The following GPR39 variants were observed in gnomAD, a reference collection of about 807,000 sequenced individuals.
The protein encoded by GPR39 is zinc sensing receptor.
GPR39 carries 23 observed loss-of-function variants against 18.4 expected under a neutral mutation model. The observed-to-expected ratio is 1.25, with a 90% confidence interval of 0.90 to 1.77. The LOEUF is 1.77. Among genes scored for constraint, GPR39 ranks in the 40% most tolerant of loss-of-function variants. The pLI, the probability that GPR39 is intolerant of heterozygous loss-of-function variation, is 0.00. For missense variants in GPR39, 647 were observed against 602.4 expected (o/e 1.07, Z -0.78); for synonymous variants, 280 against 257.9 (o/e 1.09, Z -0.82).
chr2:132,504,169 G>C (rs776100371), intron 1 of GPR39, among the ~76,000 whole-genome samples: 1 of 151,960 alleles, frequency 6.6e-6, no homozygotes, highest in Admixed American at 6.6e-5. Flanking sequence ...TTCACATTGT[G>C]AGTCTCCACA....
intron 1 of GPR39, among the ~76,000 whole-genome samples, chr2:132,541,810 G>T (rs1679866582): frequency 6.6e-6 from 1 of 152,206 alleles, no homozygotes; most frequent in Non-Finnish European, 1.5e-5. Context: ...ATAGGGCAGT[G>T]TCTTAGCTGT....
intron 1 of GPR39, among the ~76,000 whole-genome samples, chr2:132,422,565 A>G (rs1204216793): frequency 6.6e-6 from 1 of 152,040 alleles, no homozygotes; most frequent in Non-Finnish European, 1.5e-5. Context: ...TTTATTTGAT[A>G]TGAAAGGATA....
At chr2:132,522,965 A>C (rs1042985814) in intron 1 of GPR39, among the ~76,000 whole-genome samples, 5 of 152,114 alleles carry the variant, frequency 3.3e-5, no homozygotes, top group African/African-American at 4.8e-5. Context: ...GCATGTGGCT[A>C]CTGGAAGCCC....
intron 1 of GPR39, among the ~76,000 whole-genome samples, chr2:132,587,191 AT>A: frequency 6.6e-6 from 1 of 152,316 alleles, no homozygotes; most frequent in South Asian, 2.1e-4. Flanking sequence ...CCAGCATTGT[AT>A]CTGCTGGAAG....
intron 1 of GPR39, among the ~76,000 whole-genome samples, chr2:132,460,090 A>G (rs1260668829): frequency 6.6e-6 from 1 of 152,218 alleles, no homozygotes; most frequent in Non-Finnish European, 1.5e-5. Flanking sequence ...AAATGGTTTG[A>G]AAAACAAACA....
intron 1 of GPR39, among the ~76,000 whole-genome samples, chr2:132,468,182 A>G (rs1441201949): frequency 1.3e-5 from 2 of 152,204 alleles, no homozygotes; most frequent in African/African-American, 2.4e-5. Flanking sequence ...GACCCAACCA[A>G]CATATTTCAA....
intron 1 of GPR39, among the ~76,000 whole-genome samples, chr2:132,561,196 G>A (rs183618720): frequency 6.6e-6 from 1 of 152,166 alleles, no homozygotes; most frequent in Admixed American, 6.5e-5. Context: ...GGAATTACAG[G>A]CATGAGCCAC....
intron 1 of GPR39, among the ~76,000 whole-genome samples, chr2:132,520,534 T>C (rs1279788633): frequency 6.6e-6 from 1 of 152,218 alleles, no homozygotes; most frequent in Non-Finnish European, 1.5e-5. Context: ...GCCTGGGCAC[T>C]CATTCCCCTA....
At chr2:132,481,906 G>A (rs1404463702) in intron 1 of GPR39, among the ~76,000 whole-genome samples, 3 of 152,162 alleles carry the variant, frequency 2.0e-5, no homozygotes, top group Admixed American at 2.0e-4. Flanking sequence ...GAAGATTAAA[G>A]CTATAATTCA....
intron 1 of GPR39, among the ~76,000 whole-genome samples, chr2:132,621,994 A>G (rs1244931969): frequency 1.3e-5 from 2 of 152,074 alleles, no homozygotes. Flanking sequence ...CCACCTGTCC[A>G]CCTAACTCTG....
chr2:132,646,339 C>A lies in GPR39; in HGVS notation c.*733C>A, dbSNP rs145473865. ...TGCACCGGCAAAAGAATAGCTGTCCCTCTCAGCCCAAATCCAAACGGACAG... is the reference window on the plus strand; with the variant it reads ...TGCACCGGCAAAAGAATAGCTGTCCATCTCAGCCCAAATCCAAACGGACAG... On this transcript the variant is annotated 3_prime_UTR_variant, in exon 2 of 2. Transcript: ENST00000329321. The A allele has an allele frequency of 9.8e-4, 1,191 of 1,216,224 alleles. 8 individuals carry two copies. In the African/African-American group the frequency reaches 0.016, roughly 16 times the overall value. 75.3% of individuals were successfully genotyped at this position (1,216,224 alleles called of 1,614,324 possible).
At chr2:132,452,128 A>T (rs1288510981) in intron 1 of GPR39, among the ~76,000 whole-genome samples, 1 of 152,186 alleles carries the variant, frequency 6.6e-6, no homozygotes, top group Non-Finnish European at 1.5e-5. Flanking sequence ...ATGGTAAATG[A>T]TACAATGGTA....
intron 1 of GPR39, among the ~76,000 whole-genome samples, chr2:132,561,327 A>G (rs1259870861): frequency 2.0e-5 from 3 of 152,066 alleles, no homozygotes; most frequent in Non-Finnish European, 4.4e-5. Context: ...CTTCTACAGA[A>G]ATCAAACTAG....
At chr2:132,505,475 T>C (rs1679118528) in intron 1 of GPR39, among the ~76,000 whole-genome samples, 1 of 152,174 alleles carries the variant, frequency 6.6e-6, no homozygotes, top group African/African-American at 2.4e-5. Flanking sequence ...TACTCTACTT[T>C]CCACCGTTAG....
chr2:132,542,681 G>A (rs376127615), intron 1 of GPR39, among the ~76,000 whole-genome samples: 5 of 106,314 alleles, frequency 4.7e-5, no homozygotes, highest in East Asian at 2.7e-4. Context: ...CACATCCTGC[G>A]TAGCCATTGT....
intron 1 of GPR39, among the ~76,000 whole-genome samples, chr2:132,507,903 A>T (rs1346513692): frequency 1.3e-5 from 2 of 152,236 alleles, no homozygotes; most frequent in African/African-American, 2.4e-5. Context: ...CCCTCCCAGC[A>T]CAATTAACAA....
At chr2:132,511,933 C>T (rs183700045) in intron 1 of GPR39, among the ~76,000 whole-genome samples, 2 of 152,132 alleles carry the variant, frequency 1.3e-5, no homozygotes, top group African/African-American at 2.4e-5. Context: ...GAAAAGTGCA[C>T]GAACTCATGG....
intron 1 of GPR39, among the ~76,000 whole-genome samples, chr2:132,475,431 A>G (rs1206611719): frequency 6.6e-6 from 1 of 152,022 alleles, no homozygotes; most frequent in Non-Finnish European, 1.5e-5. Context: ...CCATTCTGCC[A>G]TGCACCTATT....
intron 1 of GPR39, among the ~76,000 whole-genome samples, chr2:132,586,123 C>T (rs1414130346): frequency 6.6e-6 from 1 of 151,994 alleles, no homozygotes; most frequent in Non-Finnish European, 1.5e-5. Context: ...ATGTTAATAA[C>T]GCTAATGTTG....
Sources: allele counts gnomAD v4.1 joint callset (sites outside exome capture counted in the v4.1 genomes callset), GRCh38; gene constraint gnomAD v4.1.1; transcripts MANE v1.5; gene names NCBI Gene and HGNC (gene_info 2026-07-23, HGNC 2026-07-21).